STOX1: variants seen among roughly 807,000 people sequenced by gnomAD.
STOX1 encodes the protein storkhead-box protein 1.
STOX1 carries 57 observed loss-of-function variants against 74.8 expected under a neutral mutation model. The observed-to-expected ratio is 0.76, with a 90% CI of 0.62 to 0.95. The LOEUF (loss-of-function observed/expected upper bound fraction) is 0.95, where lower values mean the gene tolerates loss of function less well. STOX1 is among the 40% of genes least tolerant of loss of function. The probability of loss-of-function intolerance (pLI) is 0.00; values close to 1 mark genes in which losing one functional copy is unlikely to be tolerated. For synonymous variants in STOX1, 375 were observed against 401.3 expected, an observed-to-expected ratio of 0.93 and a Z score of 0.78; for missense variants, 1,010 against 1,117.0, an observed-to-expected ratio of 0.90 and a Z score of 1.37.
intron 1 of STOX1, among the ~76,000 whole-genome samples, chr10:68,875,326 G>A (rs1476055688): frequency 6.6e-6 from 1 of 152,178 alleles, no homozygotes; most frequent in African/African-American, 2.4e-5. Flanking sequence ...GTGATCATCT[G>A]TAACTGGAAG....
At position 68,892,458 on chromosome 10, in the gene STOX1, A is replaced by T. The variant is rs142281405; in HGVS notation, c.2823-131A>T. The T allele has an allele frequency of 5.9e-4, 496 of 840,910 alleles. 6 individuals are homozygous for T. The East Asian group carries it at 0.013, about 21-fold the overall frequency. The allele number at this position is 840,910 out of a possible 1,614,324, so 52.1% of individuals were successfully genotyped here. A position where few individuals can be genotyped will look rare whatever the true frequency, so the allele number is the denominator to read the frequency against. On this transcript the variant is annotated intron_variant, in intron 3 of 3. Coordinates refer to ENST00000298596, the MANE Select transcript of STOX1 (RefSeq NM_152709.5). The stretch of plus-strand genomic sequence containing the variant: ...GAGCACTTCGGATTTTTAAAGGTTA[A>T]CTTATTTGATAAGTGTACCTTTGTA...
rs1369204437 is a variant in STOX1 at position 68,892,680 on chromosome 10, A to G, written c.2914A>G (p.Ser972Gly). ...FLQNVEGTKS[S>G]QPLTSNSLLP... Reference sequence around the variant, plus strand: ...GCAAAATGTCGAAGGCACAAAGAGCAGTCAACCACTCACATCTAATTCCTT... The same window carrying G: ...GCAAAATGTCGAAGGCACAAAGAGCGGTCAACCACTCACATCTAATTCCTT... Residue 972 changes from serine to glycine, a missense_variant, in exon 4 of 4, where the codon AGT (serine) becomes GGT (glycine). Physicochemically the swap from Ser to Gly is moderately conservative, Grantham distance 56 (BLOSUM62 0). Coordinates refer to ENST00000298596, the MANE Select transcript of STOX1 (RefSeq NM_152709.5). The G allele has an allele frequency of 1.9e-6, 3 of 1,613,896 alleles. No individual in the cohort carries two copies. The highest frequency in any genetic ancestry group is 1.7e-5 in the Admixed American group (1 of 60,008).
rs755395645 is a variant in STOX1 at position 68,886,447 on chromosome 10, G to A, written c.2651G>A (p.Trp884Ter). ...GACACAGGAAAGAAGCCAGCTAGCTGGAGTCAGAGTCCTCAGAATCAGGAA... is the reference window on the plus strand; with the variant it reads ...GACACAGGAAAGAAGCCAGCTAGCTAGAGTCAGAGTCCTCAGAATCAGGAA... Reference protein sequence around the residue: ...IGDTGKKPASWSQSPQNQEMR... With the variant: ...IGDTGKKPAS The change falls in exon 3 of 4, where the codon TGG becomes TAG. Residue 884 changes from tryptophan (W) to a stop codon, truncating the protein, a stop_gained. Transcript: ENST00000298596. LOFTEE classifies it high-confidence loss of function. 1 of 1,614,140 alleles carries A rather than the reference G, an allele frequency of 6.2e-7. No individual in the cohort carries two copies. The highest frequency in any genetic ancestry group is 8.5e-7 in the Non-Finnish European group (1 of 1,180,022).
chr10:68,871,595 A>C (rs980616905), intron 1 of STOX1, among the ~76,000 whole-genome samples: 4 of 152,198 alleles, frequency 2.6e-5, no homozygotes, highest in Non-Finnish European at 5.9e-5. Flanking sequence ...TCCAGCTTCC[A>C]TGGCAGATAA....
chr10:68,889,346 G>A (rs966928524), intron 3 of STOX1, among the ~76,000 whole-genome samples: 1 of 152,038 alleles, frequency 6.6e-6, no homozygotes, highest in Non-Finnish European at 1.5e-5. Context: ...GTTTTTTTGT[G>A]GAGACAATAT....
At chr10:68,845,070 C>T (rs1589219007) in intron 1 of STOX1, among the ~76,000 whole-genome samples, 1 of 151,506 alleles carries the variant, frequency 6.6e-6, no homozygotes, top group Admixed American at 6.6e-5. Context: ...GCCAGCTTGT[C>T]TTTTTAATTT....
Position 68,855,963 on chromosome 10 carries a change from C to CT in STOX1, c.311-25995_311-25994insT, listed in dbSNP as rs569502007. Among the ~76,000 whole-genome samples the CT allele has an allele frequency of 1.5e-3, 222 of 152,072 alleles. 3 individuals carry two copies. Among genetic ancestry groups the CT allele is most frequent in the African/African-American group, 5.1e-3 (211 of 41,416 alleles). On this transcript the variant is annotated intron_variant, in intron 1 of 3. Transcript: ENST00000298596. ...GGTGTGCAAGATGTTATGTGTGGAC[C>CT]GTATGTGAGCTGGGACCATCCCCTA...
In STOX1 at chr10:68,886,245, C is replaced by T. The variant is rs1234322033; in HGVS notation, c.2449C>T (p.Leu817Phe). Residue 817 changes from leucine (L) to phenylalanine (F), a missense_variant, in exon 3 of 4, where the codon CTC becomes TTC. Transcript: ENST00000298596. ...ATPGESQEPN[L>F]SAESCGLNSG... ...CCCAGGTGAAAGCCAAGAACCTAAC[C>T]TCTCTGCTGAAAGTTGTGGCCTAAA... is the stretch of plus-strand genomic sequence containing the variant. 6.2e-7 allele frequency: 1 copy of T among 1,614,210 alleles called. No homozygotes were observed. The highest frequency in any genetic ancestry group is 8.5e-7 in the Non-Finnish European group (1 of 1,180,028).
At position 68,889,440 on chromosome 10, in the gene STOX1, A is replaced by G. The variant is rs116474442; in HGVS notation, c.2822+2822A>G. Reference sequence around the variant, plus strand: ...TCCCAGTTGTGGGATTGCAGGCATGAGCCCTGTACCAGGGCTTAATAAAAG... The same window carrying G: ...TCCCAGTTGTGGGATTGCAGGCATGGGCCCTGTACCAGGGCTTAATAAAAG... On this transcript the variant is annotated intron_variant, in intron 3 of 3. Transcript: ENST00000298596. Among the ~76,000 whole-genome samples, 1,445 of 152,188 alleles carry G rather than the reference A, an allele frequency of 9.5e-3. 23 individuals carry two copies. The highest frequency in any genetic ancestry group is 0.033 in the African/African-American group (1,361 of 41,502).
At chr10:68,890,292 G>GACCACAGGCTTGC (rs1841067343) in intron 3 of STOX1, among the ~76,000 whole-genome samples, 1 of 151,782 alleles carries the variant, frequency 6.6e-6, no homozygotes. Flanking sequence ...GTGTAGCTGG[G>GACCACAGGCTTGC]ACCACAGGCT....
At chr10:68,857,622 A>G (rs901299784) in intron 1 of STOX1, among the ~76,000 whole-genome samples, 1 of 152,142 alleles carries the variant, frequency 6.6e-6, no homozygotes, top group African/African-American at 2.4e-5. Flanking sequence ...CCTAAACCCA[A>G]TTCTTAAAAG....
intron 1 of STOX1, among the ~76,000 whole-genome samples, chr10:68,841,390 T>C (rs1839689907): frequency 6.6e-6 from 1 of 152,216 alleles, no homozygotes; most frequent in African/African-American, 2.4e-5. Flanking sequence ...CAACCACTGA[T>C]TGCCTTTCTC....
chr10:68,872,601 C>G (rs938005687), intron 1 of STOX1, among the ~76,000 whole-genome samples: 1 of 152,164 alleles, frequency 6.6e-6, no homozygotes, highest in South Asian at 2.1e-4. Context: ...CCCACCTTGG[C>G]CTCCCAAAGT....
intron 1 of STOX1, among the ~76,000 whole-genome samples, chr10:68,857,567 G>T (rs1245699322): frequency 6.6e-6 from 1 of 152,082 alleles, no homozygotes; most frequent in Non-Finnish European, 1.5e-5. Context: ...CTATACAGTT[G>T]TAAAATAACT....
chr10:68,829,119 A>G (rs1243085825), intron 1 of STOX1: 1 of 367,728 alleles, frequency 2.7e-6, no homozygotes, highest in African/African-American at 2.2e-5. Flanking sequence ...TTACCAAGGA[A>G]CCCCTCTGTA....
At chr10:68,875,821 T>C (rs1840660122) in intron 1 of STOX1, among the ~76,000 whole-genome samples, 1 of 152,072 alleles carries the variant, frequency 6.6e-6, no homozygotes, top group Non-Finnish European at 1.5e-5. Context: ...ACTGATTGCT[T>C]GGGGTTGTAT....
At chr10:68,881,848 A>T (rs1218263332) in intron 1 of STOX1, 110 bp from the exon 2 acceptor site, 1 of 1,229,420 alleles carries the variant, frequency 8.1e-7, no homozygotes, top group Non-Finnish European at 1.2e-6. Flanking sequence ...CTGATGAAAG[A>T]ATTGCAATTC....
chr10:68,882,705 G>C (rs1292137496), intron 2 of STOX1, among the ~76,000 whole-genome samples: 1 of 151,984 alleles, frequency 6.6e-6, no homozygotes, highest in East Asian at 1.9e-4. Context: ...CACCATGTTG[G>C]TTAGGCTGGT....
At chr10:68,861,486 C>T (rs2133560542) in intron 1 of STOX1, among the ~76,000 whole-genome samples, 2 of 152,224 alleles carry the variant, frequency 1.3e-5, no homozygotes, top group Admixed American at 1.3e-4. Context: ...GCATCATAGC[C>T]ATCATGAGCA....
Sources: gnomAD v4.1 joint callset for allele counts (sites outside exome capture counted in the v4.1 genomes callset) on GRCh38, gnomAD v4.1.1 for gene constraint, MANE v1.5 for transcripts, NCBI Gene and HGNC (gene_info 2026-07-23, HGNC 2026-07-21) for gene names.